Variants in CCN6 observed in about 807,000 individuals in gnomAD.
The protein encoded by CCN6 is cellular communication network factor 6, also known as CCN family member 6.
CCN6 carries 31 observed loss-of-function variants against 37.4 expected under a neutral mutation model. That is an observed-to-expected ratio of 0.83 (90% CI 0.62 to 1.12). The LOEUF is 1.12. CCN6 is among the 50% of genes most tolerant of loss of function. CCN6 has a pLI of 0.00. For synonymous variants in CCN6, 137 were observed against 142.1 expected (o/e 0.96, Z 0.26); for missense variants, 369 against 413.8 (o/e 0.89, Z 0.94).
intron 2 of CCN6, 106 bp from the exon 3 acceptor site, chr6:112,064,649 A>G: frequency 1.3e-6 from 2 of 1,553,336 alleles, no homozygotes; most frequent in East Asian, 2.2e-5. Context: ...GTTGAGAGCT[A>G]TACTTCATAC....
intron 1 of CCN6, among the ~76,000 whole-genome samples, chr6:112,059,509 C>T (rs1776446488): frequency 6.6e-6 from 1 of 152,182 alleles, no homozygotes. Flanking sequence ...ATCACATCTT[C>T]TCTGACATGC....
intron 1 of CCN6, among the ~76,000 whole-genome samples, chr6:112,055,359 A>C (rs782323514): frequency 1.3e-5 from 2 of 152,146 alleles, no homozygotes; most frequent in Non-Finnish European, 2.9e-5. Context: ...GTCATTGTGG[A>C]TTGAGAGCAG....
upstream of CCN6, among the ~76,000 whole-genome samples, chr6:112,053,445 T>C (rs1554311077): frequency 6.6e-6 from 1 of 150,580 alleles, no homozygotes; most frequent in African/African-American, 2.4e-5. Flanking sequence ...TACAGGCGCC[T>C]GCCACCACAC....
intron 1 of CCN6, chr6:112,054,677 T>C (rs1554311464): frequency 2.3e-6 from 1 of 441,306 alleles, no homozygotes; most frequent in East Asian, 4.9e-5. Flanking sequence ...CGCTTTCCTA[T>C]ATATTTTTAT....
chr6:112,062,443 C>T (rs908667667), intron 2 of CCN6, among the ~76,000 whole-genome samples: 3 of 152,198 alleles, frequency 2.0e-5, no homozygotes, highest in Non-Finnish European at 4.4e-5. Context: ...GCACTGTGGC[C>T]AGCAACTGAG....
Position 112,069,405 on chromosome 6 carries a change from G to T in CCN6, c.850G>T (p.Gly284Ter). The T allele has an allele frequency of 6.2e-7, 1 of 1,613,632 alleles. No individual in the cohort carries two copies. Among genetic ancestry groups the T allele is most frequent in the Middle Eastern group, 1.7e-4 (1 of 6,056 alleles). The change falls in exon 5 of 5, where the codon GGA becomes TGA. Residue 284 changes from glycine (G) to a stop codon, truncating the protein, a stop_gained. Coordinates refer to ENST00000368666, the MANE Select transcript of CCN6 (RefSeq NM_198239.2). LOFTEE classifies it high-confidence loss of function. ...LSKAEKFVFS[G>*]CSSTQSYKPT... The stretch of plus-strand genomic sequence containing the variant: ...CAAAGCTGAAAAATTTGTCTTTTCT[G>T]GATGCTCAAGTACTCAGAGTTACAA...
At chr6:112,057,301 A>C (rs1441004315) in intron 1 of CCN6, among the ~76,000 whole-genome samples, 1 of 152,226 alleles carries the variant, frequency 6.6e-6, no homozygotes, top group Non-Finnish European at 1.5e-5. Flanking sequence ...GATGGGCTTT[A>C]AGGAGAGGAG....
chr6:112,068,748 T>G (rs1203208958), intron 4 of CCN6, among the ~76,000 whole-genome samples: 2 of 152,190 alleles, frequency 1.3e-5, no homozygotes, highest in African/African-American at 4.8e-5. Flanking sequence ...ATTTCCAAAA[T>G]GCTCTATGCT....
At chr6:112,068,085 T>C in intron 3 of CCN6, 120 bp from the exon 4 acceptor site, 1 of 852,656 alleles carries the variant, frequency 1.2e-6, no homozygotes. Flanking sequence ...GCTTCTTTTA[T>C]TCTGAGTTAT....
At position 112,068,314 on chromosome 6, in the gene CCN6, T is replaced by A. The variant is rs371614814; in HGVS notation, c.699T>A (p.Asn233Lys). The A allele has an allele frequency of 3.7e-6, 6 of 1,613,460 alleles. No individual in the cohort carries two copies. The South Asian group carries it at 4.4e-5, about 12-fold the overall frequency. The change falls in exon 4 of 5, where the codon AAT becomes AAA. Residue 233 changes from asparagine (N) to lysine (K), a missense_variant. By Grantham distance (94) the Asn-to-Lys change is moderately conservative. Transcript: ENST00000368666. ...TGGGAATATCTAACAGGGTGACCAA[T>A]GAAAACAGCAACTGTGAAATGAGAA... Reference protein sequence around the residue: ...CGMGISNRVTNENSNCEMRKE... With the variant: ...CGMGISNRVTKENSNCEMRKE...
Position 112,054,278 on chromosome 6 carries a change from CAG to C in CCN6, c.-79_-78del. 4 of 1,607,658 alleles carry C rather than the reference CAG, an allele frequency of 2.5e-6. No individual in the cohort carries two copies. The highest frequency in any genetic ancestry group is 2.2e-5 in the East Asian group (1 of 44,810). On this transcript the variant is annotated 5_prime_UTR_variant, in exon 1 of 5. Coordinates refer to ENST00000368666, the MANE Select transcript of CCN6 (RefSeq NM_198239.2). Reference sequence around the variant, plus strand: ...AGGAGCGTGGGGTTTGCAGAGGAGACAGGGGAGCTTTGTGTACCCGGAGCAAT... The same window carrying C: ...AGGAGCGTGGGGTTTGCAGAGGAGACGGGAGCTTTGTGTACCCGGAGCAAT...
rs781940252 is a variant in CCN6 at position 112,061,137 on chromosome 6, G to A, written c.195G>A (p.Val65=). 1.2e-6 allele frequency: 2 copies of A among 1,614,184 alleles called. No individual in the cohort carries two copies. The highest frequency in any genetic ancestry group is 2.7e-5 in the African/African-American group (2 of 75,046). Residue 65 remains valine (V), a synonymous_variant, in exon 2 of 5, where the codon GTG becomes GTA. Coordinates refer to ENST00000368666, the MANE Select transcript of CCN6 (RefSeq NM_198239.2). ...AGAAGCCCCGTTGCCCTCCTGGAGTGAGCCTGGTGAGAGATGGCTGTGGAT... is the reference window on the plus strand; with the variant it reads ...AGAAGCCCCGTTGCCCTCCTGGAGTAAGCCTGGTGAGAGATGGCTGTGGAT... ...PQQKPRCPPG[V]SLVRDGCGCC... is the part of the protein sequence containing the mutation.
At position 112,068,269 on chromosome 6, in the gene CCN6, C is replaced by A; in HGVS notation, c.654C>A (p.Pro218=). 6.2e-7 allele frequency: 1 copy of A among 1,611,790 alleles called. No homozygotes were observed. Among genetic ancestry groups the A allele is most frequent in the Non-Finnish European group, 8.5e-7 (1 of 1,179,286 alleles). The change falls in exon 4 of 5, where the codon CCC becomes CCA. Residue 218 remains proline, a synonymous_variant. Coordinates refer to ENST00000368666, the MANE Select transcript of CCN6 (RefSeq NM_198239.2). ...KCLVQATKWT[P]CSRTCGMGIS... ...TTGTGCAAGCAACAAAATGGACTCC[C>A]TGCTCCAGAACATGTGGGATGGGAA...
upstream of CCN6, among the ~76,000 whole-genome samples, chr6:112,053,866 G>A (rs782169938): frequency 5.4e-5 from 4 of 73,916 alleles, no homozygotes; most frequent in Non-Finnish European, 8.9e-5. Flanking sequence ...TGCTGTTGGT[G>A]GGGGGGCCAG....
intron 1 of CCN6, among the ~76,000 whole-genome samples, chr6:112,060,566 T>C (rs1776482883): frequency 6.6e-6 from 1 of 152,108 alleles, no homozygotes; most frequent in Admixed American, 6.6e-5. Flanking sequence ...ATATTAAATT[T>C]GCTATACCTA....
chr6:112,055,629 G>A (rs371899509), intron 1 of CCN6, among the ~76,000 whole-genome samples: 6 of 151,120 alleles, frequency 4.0e-5, no homozygotes, highest in Non-Finnish European at 8.8e-5. Context: ...TTGCTCTGTC[G>A]TTCCAGGCTG....
At position 112,054,212 on chromosome 6, in the gene CCN6, G is replaced by A; in HGVS notation, c.-146G>A. ...TTAAAAATGAAAGTGCAGGCTGAAA[G>A]TTGGTAGTGTGGGAGGTAGAGGGTG... On this transcript the variant is annotated 5_prime_UTR_variant, in exon 1 of 5. Transcript: ENST00000368666. The A allele has an allele frequency of 1.9e-6, 2 of 1,072,272 alleles. No individual in the cohort carries two copies. Among genetic ancestry groups the A allele is most frequent in the East Asian group, 2.4e-5 (1 of 42,338 alleles). 66.4% of individuals were successfully genotyped at this position (1,072,272 alleles called of 1,614,324 possible). A position where few individuals can be genotyped will look rare whatever the true frequency, so the allele number is the denominator to read the frequency against.
At position 112,069,431 on chromosome 6, in the gene CCN6, A is replaced by AC. The variant is rs1554314738; in HGVS notation, c.879dup (p.Thr294HisfsTer9). On this transcript the variant is annotated frameshift_variant, in exon 5 of 5. Coordinates refer to ENST00000368666, the MANE Select transcript of CCN6 (RefSeq NM_198239.2). LOFTEE classifies it high-confidence loss of function. Reference sequence around the variant, plus strand: ...GATGCTCAAGTACTCAGAGTTACAAACCCACTTTTTGTGGAATATGCTTGG... The same window carrying AC: ...GATGCTCAAGTACTCAGAGTTACAAACCCCACTTTTTGTGGAATATGCTTGG... 1 of 1,613,708 alleles carries AC rather than the reference A, an allele frequency of 6.2e-7. No homozygotes were observed. The highest frequency in any genetic ancestry group is 1.1e-5 in the South Asian group (1 of 91,074).
upstream of CCN6, among the ~76,000 whole-genome samples, chr6:112,053,069 A>G (rs1233065409): frequency 6.6e-6 from 1 of 152,180 alleles, no homozygotes; most frequent in African/African-American, 2.4e-5. Flanking sequence ...CAAAGGAAAT[A>G]GAAATAGGCC....
Sources: gnomAD v4.1 joint callset for allele counts (sites outside exome capture counted in the v4.1 genomes callset) on GRCh38, gnomAD v4.1.1 for gene constraint, MANE v1.5 for transcripts, NCBI Gene and HGNC (gene_info 2026-07-23, HGNC 2026-07-21) for gene names.